Variants in LAMA3 observed in about 807,000 individuals in gnomAD.
LAMA3 encodes laminin subunit alpha 3.
In LAMA3, 281 loss-of-function variants were observed where a neutral mutation model predicts 402.0. The ratio of observed to expected loss-of-function variants is 0.70; its 90% CI spans 0.63 to 0.77. The LOEUF is 0.77. Among genes scored for constraint, LAMA3 ranks in the 30% least tolerant of loss-of-function variants. The pLI, the probability that LAMA3 is intolerant of heterozygous loss-of-function variation, is 0.00. For synonymous variants in LAMA3, 1,431 were observed against 1,558.4 expected, an observed-to-expected ratio of 0.92 and a Z score of 1.93; for missense variants, 3,840 against 4,215.5, an observed-to-expected ratio of 0.91 and a Z score of 2.47.
intron 2 of LAMA3, 121 bp downstream of exon 2, chr18:23,714,193 G>T: frequency 1.0e-6 from 1 of 977,278 alleles, no homozygotes; most frequent in Non-Finnish European, 1.5e-6. Context: ...CCTCATCATT[G>T]TTAAACCTGT....
At chr18:23,766,150 G>A (rs1465773697) in intron 8 of LAMA3, among the ~76,000 whole-genome samples, 1 of 152,114 alleles carries the variant, frequency 6.6e-6, no homozygotes, top group Non-Finnish European at 1.5e-5. Context: ...TAATTCCTAG[G>A]CCTAGTGGAG....
At chr18:23,871,391 C>T (rs750628984) in intron 37 of LAMA3, 40 bp from the exon 38 acceptor site, 2 of 1,571,082 alleles carry the variant, frequency 1.3e-6, no homozygotes, top group South Asian at 2.2e-5. Flanking sequence ...GGAAGTGAGC[C>T]TGCCTAAGGA....
At chr18:23,895,904 A>G (rs1327839686) in intron 44 of LAMA3, among the ~76,000 whole-genome samples, 1 of 152,132 alleles carries the variant, frequency 6.6e-6, no homozygotes, top group Admixed American at 6.5e-5. Context: ...TAACGTAGGC[A>G]TATAATCCTA....
intron 8 of LAMA3, among the ~76,000 whole-genome samples, chr18:23,767,328 A>G (rs1404422199): frequency 6.6e-6 from 1 of 152,204 alleles, no homozygotes; most frequent in Non-Finnish European, 1.5e-5. Context: ...CGCTATTTCT[A>G]TCTATGTCAT....
intron 62 of LAMA3, among the ~76,000 whole-genome samples, chr18:23,925,235 A>T (rs1158619412): frequency 6.6e-6 from 1 of 152,230 alleles, no homozygotes; most frequent in African/African-American, 2.4e-5. Context: ...AGCTTTGCTC[A>T]AGGGATTTTG....
intron 52 of LAMA3, 22 bp downstream of exon 52, chr18:23,905,646 G>T (rs1467805174): frequency 2.2e-6 from 3 of 1,374,494 alleles, no homozygotes; most frequent in Admixed American, 3.4e-5. Context: ...AGTGGGCAAT[G>T]GCAGGGATAG....
chr18:23,905,524 A>G lies in LAMA3; in HGVS notation c.6618A>G (p.Thr2206=). 1 of 1,573,580 alleles carries G rather than the reference A, an allele frequency of 6.4e-7. No individual in the cohort carries two copies. The highest frequency in any genetic ancestry group is 8.7e-7 in the Non-Finnish European group (1 of 1,143,760). ...AASASESALQ[T]VIKEDLPRKA... The stretch of plus-strand genomic sequence containing the variant: ...GCTGTTAAATGCTTTGCTTTCAGAC[A>G]GTGATAAAGGAAGATCTGCCAAGAA... Residue 2206 remains threonine (T), a splice_region_variant and synonymous_variant, in exon 52 of 75, where the codon ACA becomes ACG. Coordinates refer to ENST00000313654, the MANE Select transcript of LAMA3 (RefSeq NM_198129.4).
rs768061934 is a variant in LAMA3, at chr18:23,858,686, T to C, written c.4282-3T>C. The C allele has an allele frequency of 8.1e-6, 13 of 1,614,212 alleles. No homozygotes were observed. Among genetic ancestry groups the C allele is most frequent in the East Asian group, 2.2e-5 (1 of 44,886 alleles). On this transcript the variant is annotated splice_region_variant and splice_polypyrimidine_tract_variant and intron_variant, in intron 33 of 74. Coordinates refer to ENST00000313654, the MANE Select transcript of LAMA3 (RefSeq NM_198129.4). ...TCTCTTATTTCATGTTTTGCTTCAATAGGAAAATGTAGAAGGCACAGAGTG... is the reference window on the plus strand; with the variant it reads ...TCTCTTATTTCATGTTTTGCTTCAACAGGAAAATGTAGAAGGCACAGAGTG...
At chr18:23,940,764 T>C (rs1213599431) in intron 68 of LAMA3, among the ~76,000 whole-genome samples, 1 of 151,962 alleles carries the variant, frequency 6.6e-6, no homozygotes, top group African/African-American at 2.4e-5. Context: ...CCATGCAAAG[T>C]CTTGGGGTCC....
At position 23,920,967 on chromosome 18, in the gene LAMA3, C is replaced by A. The variant is rs201380754; in HGVS notation, c.7956C>A (p.Gly2652=). Residue 2652 remains glycine, a synonymous_variant, in exon 61 of 75, where the codon GGC becomes GGA. Coordinates refer to ENST00000313654, the MANE Select transcript of LAMA3 (RefSeq NM_198129.4). The stretch of plus-strand genomic sequence containing the variant: ...TCATATCTCTAAATATAGAAGATGG[C>A]AAGCTCATGGTGAGATACAAACTGA... ...DRFISLNIED[G]KLMVRYKLNS... 5.6e-6 allele frequency: 9 copies of A among 1,613,916 alleles called. No individual in the cohort carries two copies. In the African/African-American group the frequency reaches 9.3e-5, roughly 17 times the overall value.
chr18:23,787,999 C>A (rs1239019592), intron 12 of LAMA3, among the ~76,000 whole-genome samples: 1 of 151,648 alleles, frequency 6.6e-6, no homozygotes, highest in Non-Finnish European at 1.5e-5. Context: ...AAATATGGGG[C>A]CTATATCATA....
chr18:23,710,044 T>C, intron 1 of LAMA3: 1 of 772,738 alleles, frequency 1.3e-6, no homozygotes. Flanking sequence ...GCGGACTCAG[T>C]GGTCAGCAGA....
intron 37 of LAMA3, among the ~76,000 whole-genome samples, chr18:23,868,766 A>G (rs559493929): frequency 6.6e-6 from 1 of 152,360 alleles, no homozygotes; most frequent in Non-Finnish European, 1.5e-5. Flanking sequence ...TTTTACATCC[A>G]AAGAAATAAG....
At chr18:23,697,258 C>T (rs982495850) in intron 1 of LAMA3, among the ~76,000 whole-genome samples, 1 of 152,100 alleles carries the variant, frequency 6.6e-6, no homozygotes, top group African/African-American at 2.4e-5. Context: ...ATCTTTTAGC[C>T]CCCAACATTT....
chr18:23,940,792 T>C (rs1187714704), intron 68 of LAMA3, among the ~76,000 whole-genome samples: 3 of 152,096 alleles, frequency 2.0e-5, no homozygotes, highest in African/African-American at 7.2e-5. Flanking sequence ...TCCAAAACTG[T>C]GCTAGTAGAA....
At chr18:23,954,240 A>G (rs530447776) in intron 74 of LAMA3, among the ~76,000 whole-genome samples, 1 of 152,024 alleles carries the variant, frequency 6.6e-6, no homozygotes, top group South Asian at 2.1e-4. Context: ...CATCTCTACA[A>G]AAACATTAAA....
intron 4 of LAMA3, among the ~76,000 whole-genome samples, chr18:23,750,008 C>T (rs977626552): frequency 3.3e-5 from 5 of 152,270 alleles, no homozygotes; most frequent in East Asian, 1.9e-4. Context: ...TCCTACAGAA[C>T]GGCTGCACCT....
At chr18:23,905,148 G>C (rs2081199751) in intron 51 of LAMA3, among the ~76,000 whole-genome samples, 1 of 152,094 alleles carries the variant, frequency 6.6e-6, no homozygotes, top group Admixed American at 6.5e-5. Context: ...TTAAATATCA[G>C]AGTTCAGGGG....
chr18:23,735,817 A>T (rs772376185), intron 2 of LAMA3, among the ~76,000 whole-genome samples: 1 of 152,094 alleles, frequency 6.6e-6, no homozygotes, highest in Non-Finnish European at 1.5e-5. Flanking sequence ...GCTCTGCCTC[A>T]TCCCTTGGGA....
Sources: gnomAD v4.1 joint callset for allele counts (sites outside exome capture counted in the v4.1 genomes callset) on GRCh38, gnomAD v4.1.1 for gene constraint, MANE v1.5 for transcripts, NCBI Gene and HGNC (gene_info 2026-07-23, HGNC 2026-07-21) for gene names.